Variants in PVT1 observed in about 807,000 individuals in gnomAD.
The protein encoded by PVT1 is Pvt1 oncogene.
chr8:128,060,294 T>A (rs940518659), intron 4 of PVT1, among the ~76,000 whole-genome samples: 10 of 152,092 alleles, frequency 6.6e-5, no homozygotes, highest in Non-Finnish European at 1.3e-4. Context: ...GGCCTCAAAG[T>A]TCTTGGTCTC....
At chr8:127,980,404 T>C (rs975290417) in intron 3 of PVT1, among the ~76,000 whole-genome samples, 8 of 152,174 alleles carry the variant, frequency 5.3e-5, no homozygotes, top group Admixed American at 3.9e-4. Context: ...AACACTGACT[T>C]CCTGGAAGAG....
At chr8:127,923,537 G>A (rs898610964) in intron 3 of PVT1, among the ~76,000 whole-genome samples, 11 of 152,184 alleles carry the variant, frequency 7.2e-5, no homozygotes, top group Admixed American at 2.6e-4. Context: ...TTGGGTCCCC[G>A]CTTCTGAGCA....
At chr8:127,996,657 AAAAG>A (rs1817107016) in intron 4 of PVT1, 1 of 152,110 alleles carries the variant, frequency 6.6e-6, no homozygotes, top group Admixed American at 6.5e-5. Flanking sequence ...AATCAAGAAA[AAAAG>A]AAAGAGAAAC....
intron 2 of PVT1, among the ~76,000 whole-genome samples, chr8:127,863,270 C>G (rs1815249816): frequency 6.6e-6 from 1 of 151,968 alleles, no homozygotes; most frequent in African/African-American, 2.4e-5. Context: ...CGCCACTGCG[C>G]CAGCTAATTT....
At position 128,057,819 on chromosome 8, in the gene PVT1, C is replaced by A. The variant is rs569377251; in HGVS notation, n.913-12341C>A. 2.0e-5 allele frequency among the ~76,000 whole-genome samples: 3 copies of A among 152,324 alleles called. No individual in the cohort carries two copies. The South Asian group carries it at 6.2e-4, about 32-fold the overall frequency. Reference sequence around the variant, plus strand: ...TTGCAGAACACTTCCTGAGCCTTGGCTTATCCTGACAGCTGCGAGAGGTTA... The same window carrying A: ...TTGCAGAACACTTCCTGAGCCTTGGATTATCCTGACAGCTGCGAGAGGTTA... On this transcript the variant is annotated intron_variant and non_coding_transcript_variant, in intron 4 of 10. Transcript: ENST00000651587.
intron 3 of PVT1, among the ~76,000 whole-genome samples, chr8:127,939,066 G>A (rs924384756): frequency 1.3e-5 from 2 of 152,220 alleles, no homozygotes. Flanking sequence ...TATGGGGATT[G>A]GACCAAGGGG....
intron 2 of PVT1, chr8:127,855,358 G>C (rs1586408397): frequency 5.0e-6 from 2 of 396,342 alleles, no homozygotes; most frequent in South Asian, 1.4e-4. Context: ...ATGGGTCCCG[G>C]TGTGCGGAAA....
intron 3 of PVT1, among the ~76,000 whole-genome samples, chr8:127,905,288 T>C (rs1815806280): frequency 6.6e-6 from 1 of 152,232 alleles, no homozygotes; most frequent in Non-Finnish European, 1.5e-5. Flanking sequence ...TGCCATGGGC[T>C]GGGAGCTCTC....
At chr8:127,850,699 T>C (rs1183811461) in intron 2 of PVT1, among the ~76,000 whole-genome samples, 1 of 152,234 alleles carries the variant, frequency 6.6e-6, no homozygotes. Context: ...GTGGAAATAA[T>C]GTCACAGTGC....
intron 4 of PVT1, among the ~76,000 whole-genome samples, chr8:128,002,668 T>C (rs1231040343): frequency 6.6e-6 from 1 of 152,168 alleles, no homozygotes; most frequent in African/African-American, 2.4e-5. Flanking sequence ...CCTGTGTGTT[T>C]GTGTCCAAAT....
intron 4 of PVT1, among the ~76,000 whole-genome samples, chr8:128,004,388 T>G (rs1401813477): frequency 6.6e-6 from 1 of 152,176 alleles, no homozygotes; most frequent in Non-Finnish European, 1.5e-5. Context: ...GTGCCAGCAC[T>G]TCTTCACCTT....
intron 2 of PVT1, among the ~76,000 whole-genome samples, chr8:127,840,850 G>T (rs1041503030): frequency 2.0e-5 from 3 of 152,250 alleles, no homozygotes; most frequent in African/African-American, 7.2e-5. Context: ...CTTTTAATGA[G>T]CTGGTTCTCT....
intron 3 of PVT1, among the ~76,000 whole-genome samples, chr8:127,963,097 C>T (rs1364718396): frequency 6.6e-6 from 1 of 152,188 alleles, no homozygotes; most frequent in African/African-American, 2.4e-5. Context: ...GGGTCTCACC[C>T]TGCCCAGCAG....
At chr8:127,804,086 C>A (rs537546219) in intron 2 of PVT1, among the ~76,000 whole-genome samples, 1 of 151,940 alleles carries the variant, frequency 6.6e-6, no homozygotes, top group Non-Finnish European at 1.5e-5. Flanking sequence ...TTTGGTGGCA[C>A]GCACCTGTAT....
chr8:127,901,033 G>A (rs1355691763), intron 3 of PVT1, among the ~76,000 whole-genome samples: 1 of 152,226 alleles, frequency 6.6e-6, no homozygotes, highest in African/African-American at 2.4e-5. Flanking sequence ...CCTTGCAGAA[G>A]CAGCAGAAAG....
intron 3 of PVT1, among the ~76,000 whole-genome samples, chr8:127,915,961 C>T (rs542465036): frequency 6.6e-6 from 1 of 152,376 alleles, no homozygotes; most frequent in South Asian, 2.1e-4. Context: ...CCTGTGCTTT[C>T]CACATATTCA....
intron 4 of PVT1, among the ~76,000 whole-genome samples, chr8:127,991,140 CTTT>C (rs35494368): frequency 5.5e-5 from 4 of 73,122 alleles, no homozygotes; most frequent in African/African-American, 1.5e-4. Flanking sequence ...TCTTTTCTTT[CTTT>C]TTTTTTTTTT....
At chr8:127,960,733 C>T (rs1473032609) in intron 3 of PVT1, 4 of 489,822 alleles carry the variant, frequency 8.2e-6, no homozygotes, top group African/African-American at 6.1e-5. Flanking sequence ...GCATAGATAA[C>T]TGTTTTCTGT....
At chr8:128,031,247 C>T (rs115587861) in intron 4 of PVT1, among the ~76,000 whole-genome samples, 2,248 of 152,352 alleles carry the variant, frequency 0.015, 46 homozygotes, top group African/African-American at 0.052. Flanking sequence ...ACCCTTGGCA[C>T]TGCTGTGGCT....
Sources: allele counts gnomAD v4.1 joint callset (sites outside exome capture counted in the v4.1 genomes callset), GRCh38; gene constraint gnomAD v4.1.1; transcripts MANE v1.5; gene names NCBI Gene and HGNC (gene_info 2026-07-23, HGNC 2026-07-21).